The following UNC13C variants were observed in gnomAD, a reference collection of about 807,000 sequenced individuals.
The protein encoded by UNC13C is protein unc-13 homolog C.
Under a neutral mutation model 245.4 loss-of-function variants are expected in UNC13C, and 174 were observed. The observed-to-expected ratio is 0.71, with a 90% CI of 0.63 to 0.80. UNC13C has a LOEUF of 0.80. UNC13C is among the 30% of genes least tolerant of loss of function. The probability of loss-of-function intolerance (pLI) is 0.00; values close to 1 mark genes in which losing one functional copy is unlikely to be tolerated. For synonymous variants in UNC13C, 992 were observed against 895.1 expected (o/e 1.11, Z -1.93); for missense variants, 2,829 against 2,602.9 (o/e 1.09, Z -1.89).
chr15:54,129,644 T>C (rs2031283177), intron 2 of UNC13C, among the ~76,000 whole-genome samples: 1 of 151,816 alleles, frequency 6.6e-6, no homozygotes, highest in African/African-American at 2.4e-5. Context: ...AGTTTAATAG[T>C]CTTAGAAAAT....
At chr15:54,074,584 G>A (rs1259920976) in intron 2 of UNC13C, among the ~76,000 whole-genome samples, 2 of 152,144 alleles carry the variant, frequency 1.3e-5, no homozygotes, top group African/African-American at 4.8e-5. Flanking sequence ...TCTCCTTGAA[G>A]AGGTCTTTCA....
At chr15:54,050,238 C>A in intron 2 of UNC13C, 1 of 537,586 alleles carries the variant, frequency 1.9e-6, no homozygotes, top group South Asian at 1.4e-5. Flanking sequence ...TCCCAAAGTT[C>A]TGGTATTACA....
At chr15:54,590,769 T>G (rs953276627) in intron 30 of UNC13C, among the ~76,000 whole-genome samples, 4 of 152,178 alleles carry the variant, frequency 2.6e-5, no homozygotes, top group Non-Finnish European at 5.9e-5. Context: ...CTTTAACTAT[T>G]TAGATGTCCT....
chr15:53,898,475 T>A, the UNC13C span, among the ~76,000 whole-genome samples: 1 of 151,924 alleles, frequency 6.6e-6, no homozygotes, highest in Admixed American at 6.6e-5. Context: ...AATAGCTATA[T>A]TCTTCAAAAA....
chr15:53,901,648 A>G, the UNC13C span, among the ~76,000 whole-genome samples: 1 of 152,190 alleles, frequency 6.6e-6, no homozygotes, highest in African/African-American at 2.4e-5. Context: ...ATTTTTGTAT[A>G]TAAACTCTGT....
At chr15:54,455,948 A>C (rs900880640) in intron 19 of UNC13C, among the ~76,000 whole-genome samples, 27 of 152,090 alleles carry the variant, frequency 1.8e-4, no homozygotes, top group African/African-American at 6.5e-4. Flanking sequence ...TTTGTTCGTC[A>C]TTGTCTCAAA....
chr15:53,914,915 T>C, the UNC13C span, among the ~76,000 whole-genome samples: 2 of 152,188 alleles, frequency 1.3e-5, no homozygotes, highest in Admixed American at 1.3e-4. Context: ...ATTATGTATA[T>C]ACTGTATTCC....
chr15:54,272,596 T>C (rs2036715146), intron 10 of UNC13C, among the ~76,000 whole-genome samples: 1 of 152,162 alleles, frequency 6.6e-6, no homozygotes, highest in Non-Finnish European at 1.5e-5. Flanking sequence ...TCACACTTTA[T>C]GGGATTAGAA....
At chr15:54,540,008 C>A (rs1331429799) in intron 26 of UNC13C, among the ~76,000 whole-genome samples, 1 of 151,910 alleles carries the variant, frequency 6.6e-6, no homozygotes, top group Non-Finnish European at 1.5e-5. Flanking sequence ...ACATTTAAAA[C>A]TTTTGAAAGA....
chr15:54,326,147 C>G (rs1469534971), intron 14 of UNC13C, among the ~76,000 whole-genome samples: 2 of 151,924 alleles, frequency 1.3e-5, no homozygotes, highest in African/African-American at 2.4e-5. Flanking sequence ...GAACACTAAG[C>G]TTTTGATATA....
rs1268111513 is a variant in UNC13C, at chr15:54,552,397, TA to T, written c.5877+2708del. The stretch of plus-strand genomic sequence containing the variant: ...ATATTACAGCATATAATATAATATA[TA>T]ATTATATAATTATATATTACAATAT... On this transcript the variant is annotated intron_variant, in intron 28 of 32. Transcript: ENST00000260323. Among the ~76,000 whole-genome samples, 667 of 93,370 alleles carry T rather than the reference TA, an allele frequency of 7.1e-3. 18 individuals carry two copies. Among genetic ancestry groups the T allele is most frequent in the African/African-American group, 0.027 (623 of 23,218 alleles). 61.3% of individuals were successfully genotyped at this position (93,370 alleles called of 152,430 possible). A position where few individuals can be genotyped will look rare whatever the true frequency, so the allele number is the denominator to read the frequency against.
rs76545863 is a variant in UNC13C at position 54,085,369 on chromosome 15, A to G, written c.2984-57649A>G. Reference sequence around the variant, plus strand: ...AAAACATTAGAGTCCAGAGTCTTACAAAGAAGGATCCCAAGTAATCCCTAT... The same window carrying G: ...AAAACATTAGAGTCCAGAGTCTTACGAAGAAGGATCCCAAGTAATCCCTAT... On this transcript the variant is annotated intron_variant, in intron 2 of 32. Transcript: ENST00000260323. 3.1e-3 allele frequency among the ~76,000 whole-genome samples: 475 copies of G among 152,272 alleles called. 5 individuals carry two copies. Among genetic ancestry groups the G allele is most frequent in the African/African-American group, 0.011 (445 of 41,534 alleles).
chr15:54,337,739 G>C (rs1029170309), intron 16 of UNC13C, among the ~76,000 whole-genome samples: 2 of 152,080 alleles, frequency 1.3e-5, no homozygotes, highest in African/African-American at 4.8e-5. Flanking sequence ...CCTTATAAAA[G>C]TTAGTTGTTT....
At chr15:53,888,703 A>G in the UNC13C span, among the ~76,000 whole-genome samples, 1 of 152,138 alleles carries the variant, frequency 6.6e-6, no homozygotes, top group African/African-American at 2.4e-5. Context: ...TAAGTCTTTA[A>G]TCCATCTTGA....
intron 2 of UNC13C, among the ~76,000 whole-genome samples, chr15:54,068,145 A>G (rs1176863481): frequency 1.3e-5 from 2 of 152,188 alleles, no homozygotes; most frequent in Non-Finnish European, 2.9e-5. Flanking sequence ...GGAAAGCCCC[A>G]AAGTTTTGAA....
intron 18 of UNC13C, among the ~76,000 whole-genome samples, chr15:54,405,777 A>AT (rs531120863): frequency 3.7e-4 from 56 of 152,158 alleles, no homozygotes; most frequent in African/African-American, 6.0e-4. Context: ...ATAATTGTTC[A>AT]TTTTTTCTCC....
At chr15:53,964,295 C>T in the UNC13C span, among the ~76,000 whole-genome samples, 2 of 152,138 alleles carry the variant, frequency 1.3e-5, no homozygotes. Context: ...AGATGTTCAT[C>T]TACTTGCTGA....
In UNC13C at chr15:54,467,627, C is replaced by G. The variant is rs375663045; in HGVS notation, c.4934-26981C>G. Among the ~76,000 whole-genome samples the G allele has an allele frequency of 1.4e-4, 21 of 151,808 alleles. 2 individuals are homozygous for G. In the South Asian group the frequency reaches 1.7e-3, roughly 12 times the overall value. ...TGGTTTCACTAATATATCCCCTTCTCCATCTACCCTGCTCTCCCATCAGCC... is the reference window on the plus strand; with the variant it reads ...TGGTTTCACTAATATATCCCCTTCTGCATCTACCCTGCTCTCCCATCAGCC... On this transcript the variant is annotated intron_variant, in intron 19 of 32. Transcript: ENST00000260323.
intron 16 of UNC13C, among the ~76,000 whole-genome samples, chr15:54,336,315 TC>T (rs1166453681): frequency 6.6e-6 from 1 of 152,128 alleles, no homozygotes; most frequent in Admixed American, 6.5e-5. Context: ...AAATCTACTT[TC>T]TTGCATTCTT....
Sources: gnomAD v4.1 joint callset for allele counts (sites outside exome capture counted in the v4.1 genomes callset) on GRCh38, gnomAD v4.1.1 for gene constraint, MANE v1.5 for transcripts, NCBI Gene and HGNC (gene_info 2026-07-23, HGNC 2026-07-21) for gene names.